Variants in HIPK2 observed in about 807,000 individuals in gnomAD.
HIPK2 encodes the protein homeodomain interacting protein kinase 2.
In HIPK2, 27 loss-of-function variants were observed where a neutral mutation model predicts 113.7. The observed-to-expected ratio is 0.24, with a 90% CI of 0.17 to 0.33. HIPK2 has a LOEUF of 0.33. Among genes scored for constraint, HIPK2 ranks in the 10% least tolerant of loss-of-function variants. The pLI, the probability that HIPK2 is intolerant of heterozygous loss-of-function variation, is 1.00. For missense variants in HIPK2, 1,257 were observed against 1,588.0 expected (o/e 0.79, Z 3.54); for synonymous variants, 631 against 642.2 (o/e 0.98, Z 0.26).
At chr7:139,595,178 T>A (rs1208825130) in intron 12 of HIPK2, among the ~76,000 whole-genome samples, 3 of 152,246 alleles carry the variant, frequency 2.0e-5, no homozygotes, top group Non-Finnish European at 2.9e-5. Context: ...TTTTGCTTTT[T>A]TCCATTTGTG....
chr7:139,705,387 T>C (rs940761142), intron 2 of HIPK2, among the ~76,000 whole-genome samples: 3 of 152,160 alleles, frequency 2.0e-5, no homozygotes, highest in Admixed American at 6.5e-5. Context: ...TCCCCCTTTT[T>C]TTTTTTTGAG....
At chr7:139,661,452 C>T (rs1396623362) in intron 2 of HIPK2, among the ~76,000 whole-genome samples, 1 of 152,202 alleles carries the variant, frequency 6.6e-6, no homozygotes, top group Non-Finnish European at 1.5e-5. Context: ...CTTTTACATA[C>T]TTGAAGACAG....
At chr7:139,663,629 G>A (rs570906206) in intron 2 of HIPK2, among the ~76,000 whole-genome samples, 30 of 152,306 alleles carry the variant, frequency 2.0e-4, no homozygotes, top group African/African-American at 5.8e-4. Flanking sequence ...ATTCATCTAC[G>A]TTAGGGATCC....
chr7:139,626,582 C>A lies in HIPK2; in HGVS notation c.1619+19G>T. On this transcript the variant is annotated intron_variant, in intron 6 of 14. Coordinates refer to ENST00000406875, the MANE Select transcript of HIPK2 (RefSeq NM_022740.5). ...AAGTTTGCCGATCCCTGGTACGAAGCATCAGGCAGGACACCTACTGTGTGC... is the reference window on the plus strand; with the variant it reads ...AAGTTTGCCGATCCCTGGTACGAAGAATCAGGCAGGACACCTACTGTGTGC... 1.2e-6 allele frequency: 2 copies of A among 1,608,150 alleles called. No individual in the cohort carries two copies. The highest frequency in any genetic ancestry group is 1.7e-6 in the Non-Finnish European group (2 of 1,176,430).
intron 12 of HIPK2, among the ~76,000 whole-genome samples, chr7:139,595,883 C>T (rs990745067): frequency 2.6e-5 from 4 of 152,184 alleles, no homozygotes; most frequent in South Asian, 2.1e-4. Context: ...CTGCAGGATG[C>T]GTGCTGACTG....
At chr7:139,718,104 T>G (rs748787810) in intron 1 of HIPK2, among the ~76,000 whole-genome samples, 2 of 152,206 alleles carry the variant, frequency 1.3e-5, no homozygotes, top group African/African-American at 4.8e-5. Context: ...TAGAAACCTA[T>G]GAGACCGTTA....
chr7:139,615,685 T>C (rs1800015110), intron 7 of HIPK2, among the ~76,000 whole-genome samples: 1 of 152,240 alleles, frequency 6.6e-6, no homozygotes, highest in African/African-American at 2.4e-5. Context: ...ACCACGAAGA[T>C]ATCTTGGACA....
intron 12 of HIPK2, among the ~76,000 whole-genome samples, chr7:139,590,579 T>A (rs1798984784): frequency 6.6e-6 from 1 of 152,216 alleles, no homozygotes. Flanking sequence ...TCTATTACTA[T>A]GATGCTGATT....
At chr7:139,644,447 G>A (rs1272873308) in intron 2 of HIPK2, among the ~76,000 whole-genome samples, 1 of 152,208 alleles carries the variant, frequency 6.6e-6, no homozygotes, top group Non-Finnish European at 1.5e-5. Context: ...CCCATGCCTC[G>A]CTGTGCTCTG....
intron 2 of HIPK2, among the ~76,000 whole-genome samples, chr7:139,634,677 T>TTTTTTTTTTG (rs1398519740): frequency 2.9e-4 from 40 of 140,176 alleles, no homozygotes; most frequent in African/African-American, 9.5e-4. Context: ...GTTTCAGGTT[T>TTTTTTTTTTG]TTTTTTTTTT....
At position 139,666,593 on chromosome 7, in the gene HIPK2, G is replaced by A. The variant is rs1254515605; in HGVS notation, c.1104-34868C>T. Among the ~76,000 whole-genome samples the A allele has an allele frequency of 3.9e-5, 6 of 152,266 alleles. No individual in the cohort carries two copies. The East Asian group carries it at 1.2e-3, about 29-fold the overall frequency. ...TCTCAGAAAAGCAGTCACTCTTTTA[G>A]AAGGCCACAAATGAATACAATCATT... On this transcript the variant is annotated intron_variant, in intron 2 of 14. Transcript: ENST00000406875.
intron 2 of HIPK2, among the ~76,000 whole-genome samples, chr7:139,634,184 G>C (rs953230625): frequency 5.3e-5 from 8 of 151,986 alleles, no homozygotes; most frequent in Admixed American, 2.0e-4. Flanking sequence ...CGTGCTTCTA[G>C]AGTACCAGTC....
At chr7:139,722,463 T>C (rs1479981246) in intron 1 of HIPK2, among the ~76,000 whole-genome samples, 1 of 152,232 alleles carries the variant, frequency 6.6e-6, no homozygotes, top group African/African-American at 2.4e-5. Flanking sequence ...ATAAAAAGCA[T>C]GTATGCAAGT....
chr7:139,609,805 G>A (rs1263350119), intron 9 of HIPK2, among the ~76,000 whole-genome samples: 1 of 152,126 alleles, frequency 6.6e-6, no homozygotes. Context: ...ACACGATACT[G>A]GATAGGGCAG....
intron 2 of HIPK2, among the ~76,000 whole-genome samples, chr7:139,650,849 G>A (rs1224874902): frequency 6.6e-6 from 1 of 152,222 alleles, no homozygotes; most frequent in Non-Finnish European, 1.5e-5. Context: ...TGACCCACCT[G>A]GGAAGAACAC....
intron 2 of HIPK2, among the ~76,000 whole-genome samples, chr7:139,693,111 A>G (rs1794458094): frequency 6.6e-6 from 1 of 152,238 alleles, no homozygotes; most frequent in South Asian, 2.1e-4. Context: ...TGGAGGCAGA[A>G]AGACTCCAAA....
At chr7:139,770,255 T>A (rs1052841827) in intron 1 of HIPK2, among the ~76,000 whole-genome samples, 6 of 151,736 alleles carry the variant, frequency 4.0e-5, no homozygotes, top group Admixed American at 3.9e-4. Context: ...TAAGCTGGAG[T>A]TTTCCAAATC....
At chr7:139,753,413 T>C (rs1464755821) in intron 1 of HIPK2, among the ~76,000 whole-genome samples, 1 of 152,124 alleles carries the variant, frequency 6.6e-6, no homozygotes, top group Admixed American at 6.5e-5. Context: ...CAGCAGTGAC[T>C]CTCTAAGGAT....
At chr7:139,681,164 G>C (rs1368794272) in intron 2 of HIPK2, among the ~76,000 whole-genome samples, 1 of 152,068 alleles carries the variant, frequency 6.6e-6, no homozygotes, top group Non-Finnish European at 1.5e-5. Flanking sequence ...GTTGCAATTG[G>C]GTCAATGTTT....
Sources: gnomAD v4.1 joint callset for allele counts (sites outside exome capture counted in the v4.1 genomes callset) on GRCh38, gnomAD v4.1.1 for gene constraint, MANE v1.5 for transcripts, NCBI Gene and HGNC (gene_info 2026-07-23, HGNC 2026-07-21) for gene names.